TAOK1: variants seen among roughly 807,000 people sequenced by gnomAD.
TAOK1 encodes serine/threonine-protein kinase TAO1.
TAOK1 carries 21 observed loss-of-function variants against 138.3 expected under a neutral mutation model. The ratio of observed to expected loss-of-function variants is 0.15; its 90% CI spans 0.11 to 0.22. The LOEUF is 0.22. Ranked by LOEUF, TAOK1 falls within the 10% of genes least tolerant of loss-of-function variation. The pLI is 1.00. For missense variants in TAOK1, 651 were observed against 1,227.7 expected (o/e 0.53, Z 7.02); for synonymous variants, 361 against 398.4 (o/e 0.91, Z 1.12).
In TAOK1 at chr17:29,508,104, A is replaced by G. The variant is rs1211493386; in HGVS notation, c.1547A>G (p.Lys516Arg). 6.2e-7 allele frequency: 1 copy of G among 1,613,990 alleles called. No individual in the cohort carries two copies. The highest frequency in any genetic ancestry group is 1.3e-5 in the African/African-American group (1 of 74,942). ...NFAAEMEKLI[K>R]KHQAAMEKEA... Reference sequence around the variant, plus strand: ...GCTGCAGAAATGGAGAAACTTATCAAGAAACACCAGGCTGCCATGGAGAAA... The same window carrying G: ...GCTGCAGAAATGGAGAAACTTATCAGGAAACACCAGGCTGCCATGGAGAAA... The change falls in exon 14 of 20, where the codon AAG becomes AGG. Residue 516 changes from lysine (K) to arginine (R), a missense_variant. By Grantham distance (26) the Lys-to-Arg change is conservative. Coordinates refer to ENST00000261716, the MANE Select transcript of TAOK1 (RefSeq NM_020791.4).
At chr17:29,433,481 C>T (rs1905918714) in intron 1 of TAOK1, among the ~76,000 whole-genome samples, 1 of 150,752 alleles carries the variant, frequency 6.6e-6, no homozygotes, top group Non-Finnish European at 1.5e-5. Context: ...TAAGGCAGCT[C>T]TGTTAGCATT....
chr17:29,398,789 C>T (rs1904742626), intron 1 of TAOK1, among the ~76,000 whole-genome samples: 1 of 151,950 alleles, frequency 6.6e-6, no homozygotes, highest in South Asian at 2.1e-4. Flanking sequence ...ACCTTGGCCT[C>T]CCAAAGTGCT....
chr17:29,521,393 T>C (rs1250768195), intron 16 of TAOK1, among the ~76,000 whole-genome samples: 1 of 152,228 alleles, frequency 6.6e-6, no homozygotes, highest in Non-Finnish European at 1.5e-5. Flanking sequence ...ATGTGCTAGG[T>C]ATTATTCTGA....
intron 1 of TAOK1, among the ~76,000 whole-genome samples, chr17:29,441,937 A>T (rs1352487675): frequency 6.6e-6 from 1 of 151,890 alleles, no homozygotes; most frequent in Non-Finnish European, 1.5e-5. Context: ...TGATTTTAGT[A>T]ATTTGAGTCT....
intron 1 of TAOK1, among the ~76,000 whole-genome samples, chr17:29,421,005 T>C (rs780058362): frequency 4.6e-5 from 7 of 151,736 alleles, no homozygotes; most frequent in Non-Finnish European, 8.8e-5. Context: ...TCTCAGCTCA[T>C]TGCAACCTCT....
intron 1 of TAOK1, among the ~76,000 whole-genome samples, chr17:29,438,505 C>T (rs1906108894): frequency 6.6e-6 from 1 of 152,076 alleles, no homozygotes; most frequent in South Asian, 2.1e-4. Flanking sequence ...GGTAACATGG[C>T]AAAACCTGTT....
At chr17:29,488,342 G>A (rs186537531) in intron 8 of TAOK1, among the ~76,000 whole-genome samples, 50 of 152,050 alleles carry the variant, frequency 3.3e-4, no homozygotes, top group Non-Finnish European at 2.1e-4. Context: ...AGGCCGAGAC[G>A]GGTAGATCAC....
At chr17:29,536,465 T>C (rs2032224702) in intron 19 of TAOK1, among the ~76,000 whole-genome samples, 1 of 149,380 alleles carries the variant, frequency 6.7e-6, no homozygotes, top group South Asian at 2.2e-4. Context: ...CCGGGCATGA[T>C]GGCGGGTGCC....
intron 1 of TAOK1, among the ~76,000 whole-genome samples, chr17:29,447,654 ATTTTATTTTT>A (rs1361629918): frequency 2.4e-4 from 36 of 147,398 alleles, no homozygotes; most frequent in Middle Eastern, 3.5e-3. Flanking sequence ...ATTTTATTTT[ATTTTATTTTT>A]TTTTTTTTTT....
intron 8 of TAOK1, among the ~76,000 whole-genome samples, chr17:29,486,748 T>A (rs2031181593): frequency 6.6e-6 from 1 of 152,252 alleles, no homozygotes; most frequent in Non-Finnish European, 1.5e-5. Context: ...GAGAGATTTT[T>A]AATTTAATAG....
chr17:29,443,298 G>A (rs2029993580), intron 1 of TAOK1, among the ~76,000 whole-genome samples: 1 of 152,158 alleles, frequency 6.6e-6, no homozygotes, highest in African/African-American at 2.4e-5. Flanking sequence ...AATACTGAAT[G>A]TGCTGTAATT....
In TAOK1 at chr17:29,545,828, G is replaced by A. The variant is rs927041216; in HGVS notation, c.*2806G>A. On this transcript the variant is annotated 3_prime_UTR_variant, in exon 20 of 20. Coordinates refer to ENST00000261716, the MANE Select transcript of TAOK1 (RefSeq NM_020791.4). ...TTAACACTACCTCCTTCCCAGTGTT[G>A]GTGTTCACTCACTATATGTCTTTAA... 1 of 151,992 alleles carries A rather than the reference G, an allele frequency of 6.6e-6. No individual in the cohort carries two copies. Among genetic ancestry groups the A allele is most frequent in the African/African-American group, 2.4e-5 (1 of 41,402 alleles). 9.4% of individuals were successfully genotyped at this position (151,992 alleles called of 1,614,324 possible). A position where few individuals can be genotyped will look rare whatever the true frequency, so the allele number is the denominator to read the frequency against.
chr17:29,537,983 G>A (rs982602597), intron 19 of TAOK1, among the ~76,000 whole-genome samples: 2 of 151,734 alleles, frequency 1.3e-5, no homozygotes, highest in African/African-American at 2.4e-5. Flanking sequence ...ATGGTGGTGC[G>A]TGCCTGTAAT....
At chr17:29,405,522 T>TA (rs1904964984) in intron 1 of TAOK1, among the ~76,000 whole-genome samples, 1 of 152,098 alleles carries the variant, frequency 6.6e-6, no homozygotes, top group South Asian at 2.1e-4. Context: ...CTCATGCCTG[T>TA]AATCCCAGCA....
chr17:29,482,631 A>G lies in TAOK1; in HGVS notation c.655+343A>G, dbSNP rs576068344. ...GCTATAGAAGATCTGTAAGCCATTC[A>G]TAACTAGCTGGGGTAGTTACTACTT... On this transcript the variant is annotated intron_variant, in intron 8 of 19. Transcript: ENST00000261716. Among the ~76,000 whole-genome samples, 8 of 152,246 alleles carry G rather than the reference A, an allele frequency of 5.3e-5. No individual in the cohort carries two copies. The East Asian group carries it at 1.3e-3, about 26-fold the overall frequency.
At chr17:29,538,186 G>T (rs1013989588) in intron 19 of TAOK1, among the ~76,000 whole-genome samples, 3 of 151,514 alleles carry the variant, frequency 2.0e-5, no homozygotes, top group African/African-American at 7.3e-5. Context: ...AATGATGTCT[G>T]CAAAACCAGT....
intron 13 of TAOK1, among the ~76,000 whole-genome samples, chr17:29,506,585 A>T (rs181636016): frequency 1.3e-5 from 2 of 152,334 alleles, no homozygotes; most frequent in African/African-American, 4.8e-5. Context: ...TAATATATTG[A>T]ATATTTTGAA....
chr17:29,481,236 C>T (rs937798239), intron 7 of TAOK1, among the ~76,000 whole-genome samples: 4 of 151,422 alleles, frequency 2.6e-5, no homozygotes, highest in African/African-American at 7.3e-5. Flanking sequence ...CTCTCTCGCC[C>T]AGGTTGGAGT....
In TAOK1 at chr17:29,536,180, T is replaced by C. The variant is rs1046959602; in HGVS notation, c.2544+1880T>C. On this transcript the variant is annotated intron_variant, in intron 19 of 19. Coordinates refer to ENST00000261716, the MANE Select transcript of TAOK1 (RefSeq NM_020791.4). Reference sequence around the variant, plus strand: ...CAGGCGTGGTGGCAGGCGCCTGTAATCCCAGCTACTCCAGAGGTTGAGGCA... The same window carrying C: ...CAGGCGTGGTGGCAGGCGCCTGTAACCCCAGCTACTCCAGAGGTTGAGGCA... 7.2e-5 allele frequency among the ~76,000 whole-genome samples: 11 copies of C among 152,144 alleles called. No homozygotes were observed. The East Asian group carries it at 2.1e-3, about 30-fold the overall frequency.
Sources: gnomAD v4.1 joint callset for allele counts (sites outside exome capture counted in the v4.1 genomes callset) on GRCh38, gnomAD v4.1.1 for gene constraint, MANE v1.5 for transcripts, NCBI Gene and HGNC (gene_info 2026-07-23, HGNC 2026-07-21) for gene names.